Variants in CSF2RA observed in about 807,000 individuals in gnomAD.
CSF2RA encodes granulocyte-macrophage colony-stimulating factor receptor subunit alpha.
Under a neutral mutation model 51.6 loss-of-function variants are expected in CSF2RA, and 42 were observed. The ratio of observed to expected loss-of-function variants is 0.81; its 90% CI spans 0.64 to 1.05. The LOEUF is 1.05. CSF2RA is among the 50% of genes least tolerant of loss of function. The probability of loss-of-function intolerance (pLI) is 0.00; values close to 1 mark genes in which losing one functional copy is unlikely to be tolerated. For synonymous variants in CSF2RA, 222 were observed against 193.0 expected, an observed-to-expected ratio of 1.15 and a Z score of -1.24; for missense variants, 530 against 501.1, an observed-to-expected ratio of 1.06 and a Z score of -0.55.
chrX:1,293,229 T>C (rs1469665911), intron 7 of CSF2RA, among the ~76,000 whole-genome samples: 11 of 139,308 alleles, frequency 7.9e-5, no homozygotes. Flanking sequence ...TTGTTTGTTT[T>C]TCTGAGACAG....
chrX:1,299,309 C>T (rs1404749021), intron 9 of CSF2RA, among the ~76,000 whole-genome samples: 8 of 152,206 alleles, frequency 5.3e-5, no homozygotes, highest in African/African-American at 1.9e-4. Flanking sequence ...CACTCTGACC[C>T]TCGGTATCCT....
At chrX:1,322,446 T>TG in the CSF2RA span, among the ~76,000 whole-genome samples, 2 of 88,742 alleles carry the variant, frequency 2.3e-5, no homozygotes, top group African/African-American at 3.6e-5. Context: ...TTTGTTTTTT[T>TG]TTTTTTTTTT....
chrX:1,294,229 C>T, intron 7 of CSF2RA, 99 bp from the exon 8 acceptor site: 7 of 1,467,872 alleles, frequency 4.8e-6, no homozygotes, highest in Non-Finnish European at 6.7e-6. Flanking sequence ...TCCACCTGGA[C>T]CCAGTGTAGA....
rs1345096062 is a variant in CSF2RA, at chrX:1,305,697, G to C, written c.1125+170G>C. The C allele has an allele frequency of 1.5e-5, 24 of 1,562,520 alleles. No individual in the cohort carries two copies. In the African/African-American group the frequency reaches 2.9e-4, roughly 19 times the overall value. ...CACTCCTGGGCCTTCTCCCGGGTCG[G>C]GGTCTTCTCCAAGGTTGGGGTCAGA... On this transcript the variant is annotated intron_variant, in intron 12 of 12. Coordinates refer to ENST00000381529, the MANE Select transcript of CSF2RA (RefSeq NM_172245.4).
chrX:1,290,641 G>GATC (rs1188142762), intron 7 of CSF2RA, 132 bp downstream of exon 7: 2 of 878,234 alleles, frequency 2.3e-6, no homozygotes, highest in Admixed American at 3.5e-5. Context: ...GAGGCGGGCC[G>GATC]ATCACCTGAG....
intron 6 of CSF2RA, among the ~76,000 whole-genome samples, chrX:1,290,070 G>C (rs1392523130): frequency 2.0e-5 from 2 of 99,514 alleles, no homozygotes; most frequent in African/African-American, 3.8e-5. Context: ...TTGTGTTTTT[G>C]ATTTGTGTTT....
intron 2 of CSF2RA, among the ~76,000 whole-genome samples, chrX:1,275,166 G>T (rs776682199): frequency 6.6e-6 from 1 of 152,010 alleles, no homozygotes; most frequent in African/African-American, 2.4e-5. Context: ...GCTGAGGCGG[G>T]GGGATCATGA....
intron 2 of CSF2RA, among the ~76,000 whole-genome samples, chrX:1,277,992 A>AC (rs1208581750): frequency 3.6e-5 from 5 of 138,980 alleles, no homozygotes; most frequent in African/African-American, 1.0e-4. Flanking sequence ...AAAAAAAAAA[A>AC]ATTTCAGGGC....
At chrX:1,289,659 T>G (rs2091152321) in intron 6 of CSF2RA, among the ~76,000 whole-genome samples, 1 of 151,382 alleles carries the variant, frequency 6.6e-6, no homozygotes, top group South Asian at 2.1e-4. Context: ...TTTGTTTTGT[T>G]TTGTGGTTTT....
At chrX:1,305,134 C>T (rs1401963091) in intron 11 of CSF2RA, among the ~76,000 whole-genome samples, 5 of 151,570 alleles carry the variant, frequency 3.3e-5, no homozygotes, top group Admixed American at 1.3e-4. Context: ...GCTGGGATTA[C>T]AGGCAAGCAC....
rs200972352 is a variant in CSF2RA at position 1,294,356 on chromosome X, C to T, written c.675C>T (p.Thr225=). ...IERFNPPSNV[T]VRCNTTHCLV... ...GATTCAACCCTCCCAGCAATGTCAC[C>T]GTACGTTGCAACACGACGCACTGCC... Residue 225 remains threonine (T), a synonymous_variant, in exon 8 of 13, where the codon ACC becomes ACT. Coordinates refer to ENST00000381529, the MANE Select transcript of CSF2RA (RefSeq NM_172245.4). 41 of 1,613,788 alleles carry T rather than the reference C, an allele frequency of 2.5e-5. No homozygotes were observed. Among genetic ancestry groups the T allele is most frequent in the Admixed American group, 3.3e-5 (2 of 60,006 alleles).
At chrX:1,276,499 G>A (rs2089214523) in intron 2 of CSF2RA, among the ~76,000 whole-genome samples, 7 of 151,756 alleles carry the variant, frequency 4.6e-5, no homozygotes, top group Admixed American at 4.6e-4. Flanking sequence ...TCAGCCTCGC[G>A]AGTAGCTGGG....
At chrX:1,311,730 C>T (rs369361193), downstream of CSF2RA, among the ~76,000 whole-genome samples, 3 of 152,116 alleles carry the variant, frequency 2.0e-5, no homozygotes, top group East Asian at 1.9e-4. Flanking sequence ...CGTGAGCCAC[C>T]GCGTCCAGCC....
chrX:1,307,242 A>AC (rs1385399718), intron 12 of CSF2RA, among the ~76,000 whole-genome samples: 46 of 151,696 alleles, frequency 3.0e-4, no homozygotes, highest in Middle Eastern at 6.8e-3. Context: ...AGGAAATAAA[A>AC]CTCTTGTCGG....
chrX:1,273,739 C>G (rs2088765465), intron 1 of CSF2RA, among the ~76,000 whole-genome samples: 1 of 140,232 alleles, frequency 7.1e-6, no homozygotes, highest in Admixed American at 7.9e-5. Flanking sequence ...CGCCACCACG[C>G]CCAGCTAATT....
At position 1,290,414 on chromosome X, in the gene CSF2RA, C is replaced by A; in HGVS notation, c.551C>A (p.Ser184Ter). The change falls in exon 7 of 13, where the codon TCA becomes TAA. Residue 184 changes from serine to a stop codon, truncating the protein, a stop_gained. Transcript: ENST00000381529. LOFTEE classifies it high-confidence loss of function. Reference sequence around the variant, plus strand: ...GTGGGATGTCACCTGGATAACCTGTCAGGATTAACGTCTCGCAATTACTTT... The same window carrying A: ...GTGGGATGTCACCTGGATAACCTGTAAGGATTAACGTCTCGCAATTACTTT... ...THVGCHLDNL[S>*]GLTSRNYFLV... 1 of 1,613,654 alleles carries A rather than the reference C, an allele frequency of 6.2e-7. No homozygotes were observed. The highest frequency in any genetic ancestry group is 8.5e-7 in the Non-Finnish European group (1 of 1,179,634).
chrX:1,323,785 C>T, the CSF2RA span, among the ~76,000 whole-genome samples: 232 of 151,864 alleles, frequency 1.5e-3, no homozygotes, highest in South Asian at 9.6e-3. Context: ...GAGGCAGAGG[C>T]GGGCAGATCA....
Position 1,309,928 on chromosome X carries a change from G to C in CSF2RA, c.*449G>C. On this transcript the variant is annotated 3_prime_UTR_variant, in exon 13 of 13. Coordinates refer to ENST00000381529, the MANE Select transcript of CSF2RA (RefSeq NM_172245.4). ...AATAAATAATAAAAACCTGATATTT[G>C]GCTGGGCGCCGTGGCTCATGCCTGT... is the stretch of plus-strand genomic sequence containing the variant. The C allele has an allele frequency of 1.8e-6, 1 of 567,834 alleles. No individual in the cohort carries two copies. Among genetic ancestry groups the C allele is most frequent in the South Asian group, 2.5e-5 (1 of 39,924 alleles). 35.2% of individuals were successfully genotyped at this position (567,834 alleles called of 1,614,324 possible).
intron 2 of CSF2RA, among the ~76,000 whole-genome samples, chrX:1,275,550 T>C (rs1261300361): frequency 1.3e-5 from 2 of 151,016 alleles, no homozygotes; most frequent in South Asian, 4.1e-4. Context: ...TATTTTACTT[T>C]ATTTTATTTA....
Sources: allele counts gnomAD v4.1 joint callset (sites outside exome capture counted in the v4.1 genomes callset), GRCh38; gene constraint gnomAD v4.1.1; transcripts MANE v1.5; gene names NCBI Gene and HGNC (gene_info 2026-07-23, HGNC 2026-07-21).